CDK13: variants seen among roughly 807,000 people sequenced by gnomAD.
CDK13 encodes the protein cyclin dependent kinase 13.
In CDK13, 40 loss-of-function variants were observed where a neutral mutation model predicts 137.6. That is an observed-to-expected ratio of 0.29 (90% confidence interval 0.23 to 0.38). The LOEUF (loss-of-function observed/expected upper bound fraction) is 0.38. CDK13 is among the 10% of genes least tolerant of loss of function. The pLI is 1.00. For synonymous variants in CDK13, 869 were observed against 760.1 expected, an observed-to-expected ratio of 1.14 and a Z score of -2.36; for missense variants, 1,704 against 1,951.8, an observed-to-expected ratio of 0.87 and a Z score of 2.39.
intron 11 of CDK13, among the ~76,000 whole-genome samples, chr7:40,080,699 T>G (rs1265371039): frequency 6.6e-6 from 1 of 152,198 alleles, no homozygotes; most frequent in African/African-American, 2.4e-5. Context: ...TTTGGAAAAA[T>G]TTCAACTCTA....
intron 7 of CDK13, among the ~76,000 whole-genome samples, chr7:40,052,976 T>C (rs1379769886): frequency 6.6e-6 from 1 of 152,112 alleles, no homozygotes; most frequent in Non-Finnish European, 1.5e-5. Context: ...AAATTACTAA[T>C]AACAGATGAA....
At chr7:39,966,616 C>G (rs1261930078) in intron 1 of CDK13, among the ~76,000 whole-genome samples, 1 of 152,144 alleles carries the variant, frequency 6.6e-6, no homozygotes, top group African/African-American at 2.4e-5. Flanking sequence ...CTGAACTCGT[C>G]GAAGTCATTC....
At chr7:40,044,401 C>T (rs1053396086) in intron 5 of CDK13, among the ~76,000 whole-genome samples, 5 of 152,000 alleles carry the variant, frequency 3.3e-5, no homozygotes, top group African/African-American at 1.2e-4. Flanking sequence ...TTACTGCAAC[C>T]TCTGCCTCCT....
intron 5 of CDK13, among the ~76,000 whole-genome samples, chr7:40,024,565 C>T (rs1394903154): frequency 2.0e-5 from 3 of 150,234 alleles, no homozygotes; most frequent in African/African-American, 7.4e-5. Context: ...GGCTTTCTCT[C>T]TCTCTGGCTG....
In CDK13 at chr7:39,999,229, A is replaced by G. The variant is rs1297286507; in HGVS notation, c.2043-132A>G. On this transcript the variant is annotated intron_variant, in intron 3 of 13. Transcript: ENST00000181839. ...AATCAGTGTTACTTGTTTGGGATAG[A>G]TGATGATAAATACTGCAAGGGTAGG... 2.8e-5 allele frequency: 18 copies of G among 635,918 alleles called. No homozygotes were observed. In the East Asian group the frequency reaches 4.8e-4, roughly 17 times the overall value. The allele number at this position is 635,918 out of a possible 1,614,324, so 39.4% of individuals were successfully genotyped here. A position where few individuals can be genotyped will look rare whatever the true frequency, so the allele number is the denominator to read the frequency against.
chr7:40,041,995 G>A (rs867583308), intron 5 of CDK13, among the ~76,000 whole-genome samples: 3 of 152,022 alleles, frequency 2.0e-5, no homozygotes, highest in Non-Finnish European at 2.9e-5. Context: ...AATATTTTTC[G>A]TGTGTTTTTT....
chr7:40,052,385 C>T (rs993536760), intron 7 of CDK13, among the ~76,000 whole-genome samples: 1 of 152,204 alleles, frequency 6.6e-6, no homozygotes, highest in Admixed American at 6.5e-5. Context: ...CCATGTTGGC[C>T]AGGCTGGCCT....
At position 39,951,538 on chromosome 7, in the gene CDK13, C is replaced by T; in HGVS notation, c.897C>T (p.Ala299=). 1 of 1,537,298 alleles carries T rather than the reference C, an allele frequency of 6.5e-7. No homozygotes were observed. Among genetic ancestry groups the T allele is most frequent in the Non-Finnish European group, 8.7e-7 (1 of 1,144,280 alleles). Residue 299 remains alanine, a synonymous_variant, in exon 1 of 14, where the codon GCC becomes GCT. Transcript: ENST00000181839. ...PPSAYKEPPK[A]YREDKTEPKA... The stretch of plus-strand genomic sequence containing the variant: ...CGGCCTACAAGGAACCGCCCAAGGC[C>T]TACCGGGAGGACAAGACCGAGCCTA...
At chr7:40,037,800 G>A (rs1785517365) in intron 5 of CDK13, among the ~76,000 whole-genome samples, 1 of 152,106 alleles carries the variant, frequency 6.6e-6, no homozygotes, top group African/African-American at 2.4e-5. Flanking sequence ...TAATTTCAAA[G>A]TAACAATGCT....
At chr7:40,009,292 T>C (rs1435328390) in intron 5 of CDK13, among the ~76,000 whole-genome samples, 1 of 152,266 alleles carries the variant, frequency 6.6e-6, no homozygotes, top group Non-Finnish European at 1.5e-5. Context: ...CTATATTTTA[T>C]TCCTCCATTT....
intron 2 of CDK13, among the ~76,000 whole-genome samples, chr7:39,989,101 AAAAAAAAAAAG>A (rs1489193796): frequency 2.5e-5 from 3 of 118,486 alleles, no homozygotes; most frequent in African/African-American, 5.3e-5. Context: ...AAAAAAAAAA[AAAAAAAAAAAG>A]AGAAAATTCA....
intron 11 of CDK13, among the ~76,000 whole-genome samples, chr7:40,087,505 A>G (rs1386471812): frequency 1.3e-5 from 2 of 151,496 alleles, no homozygotes. Flanking sequence ...GTACTATCAT[A>G]AGAACTGACT....
In CDK13 at chr7:40,078,773, G is replaced by T; in HGVS notation, c.2951G>T (p.Ser984Ile). ...GATTACATGCTTGCCTTGGATCCTA[G>T]TAAGCGCTGCACTGCTGAACAGGCT... The part of the protein sequence containing the change: ...LFDYMLALDP[S>I]KRCTAEQALQ... The change falls in exon 11 of 14, where the codon AGT (serine) becomes ATT (isoleucine). Residue 984 changes from serine (S) to isoleucine (I), a missense_variant. Transcript: ENST00000181839. The T allele has an allele frequency of 1.3e-6, 2 of 1,553,402 alleles. No individual in the cohort carries two copies. Among genetic ancestry groups the T allele is most frequent in the Non-Finnish European group, 1.7e-6 (2 of 1,147,946 alleles).
intron 1 of CDK13, among the ~76,000 whole-genome samples, chr7:39,968,702 T>C (rs954813387): frequency 6.6e-6 from 1 of 152,230 alleles, no homozygotes; most frequent in Admixed American, 6.5e-5. Flanking sequence ...TGGATTAACA[T>C]AGCTTTGGAA....
At chr7:39,994,507 C>T (rs1158911565) in intron 2 of CDK13, among the ~76,000 whole-genome samples, 1 of 152,056 alleles carries the variant, frequency 6.6e-6, no homozygotes, top group Admixed American at 6.6e-5. Flanking sequence ...CTCCCAAACT[C>T]AAATTTCTAT....
intron 5 of CDK13, among the ~76,000 whole-genome samples, chr7:40,032,981 A>G (rs1041117781): frequency 6.6e-6 from 1 of 152,246 alleles, no homozygotes; most frequent in Non-Finnish European, 1.5e-5. Context: ...AAGTTGGGAA[A>G]GAACTGACGT....
intron 1 of CDK13, among the ~76,000 whole-genome samples, chr7:39,980,764 G>C (rs1217503642): frequency 6.6e-6 from 1 of 152,150 alleles, no homozygotes; most frequent in Non-Finnish European, 1.5e-5. Context: ...CACAGTATTT[G>C]CTAATTAGAA....
At chr7:40,013,839 T>G (rs1464321691) in intron 5 of CDK13, among the ~76,000 whole-genome samples, 1 of 152,014 alleles carries the variant, frequency 6.6e-6, no homozygotes, top group African/African-American at 2.4e-5. Flanking sequence ...TTAATGAAAA[T>G]AGAGTCCAAA....
At chr7:39,952,695 C>G (rs1787270030) in intron 1 of CDK13, 1 of 152,090 alleles carries the variant, frequency 6.6e-6, no homozygotes, top group African/African-American at 2.4e-5. Context: ...TAGACTTTTT[C>G]TTAGATATAT....
Sources: gnomAD v4.1 joint callset for allele counts (sites outside exome capture counted in the v4.1 genomes callset) on GRCh38, gnomAD v4.1.1 for gene constraint, MANE v1.5 for transcripts, NCBI Gene and HGNC (gene_info 2026-07-23, HGNC 2026-07-21) for gene names.